The following ZFHX3 variants were observed in gnomAD, a reference collection of about 807,000 sequenced individuals.
The protein encoded by ZFHX3 is zinc finger homeobox protein 3.
ZFHX3 carries 42 observed loss-of-function variants against 279.1 expected under a neutral mutation model. That is an observed-to-expected ratio of 0.15 (90% confidence interval 0.12 to 0.19). The LOEUF is 0.19. Ranked by LOEUF, ZFHX3 falls within the 10% of genes least tolerant of loss-of-function variation. ZFHX3 has a pLI of 1.00. For synonymous variants in ZFHX3, 2,293 were observed against 1,957.8 expected (o/e 1.17, Z -4.52); for missense variants, 4,981 against 4,754.0 (o/e 1.05, Z -1.40).
chr16:72,946,279 G>A (rs1337076773), intron 3 of ZFHX3, among the ~76,000 whole-genome samples: 1 of 152,152 alleles, frequency 6.6e-6, no homozygotes, highest in Non-Finnish European at 1.5e-5. Flanking sequence ...CCTCTCCTGT[G>A]TGCCCTGTTG....
At chr16:73,854,842 C>G (rs1961682925) in intron 1 of ZFHX3, among the ~76,000 whole-genome samples, 1 of 150,134 alleles carries the variant, frequency 6.7e-6, no homozygotes, top group Non-Finnish European at 1.5e-5. Flanking sequence ...GCACTTGTAT[C>G]TGGGTTTTTC....
At chr16:72,942,872 T>G (rs1960477055) in intron 3 of ZFHX3, among the ~76,000 whole-genome samples, 1 of 152,168 alleles carries the variant, frequency 6.6e-6, no homozygotes, top group South Asian at 2.1e-4. Context: ...CAAACTAATC[T>G]AAGAAATTTT....
chr16:72,948,206 T>C (rs1960799352), intron 3 of ZFHX3, among the ~76,000 whole-genome samples: 1 of 152,110 alleles, frequency 6.6e-6, no homozygotes, highest in Admixed American at 6.5e-5. Context: ...CTAATGACCT[T>C]TGGCTCCTGA....
intron 1 of ZFHX3, among the ~76,000 whole-genome samples, chr16:73,035,122 G>C (rs1323760841): frequency 6.6e-6 from 1 of 151,958 alleles, no homozygotes; most frequent in East Asian, 1.9e-4. Flanking sequence ...TGTGCTGAAG[G>C]TATAAAAATA....
intron 1 of ZFHX3, among the ~76,000 whole-genome samples, chr16:73,054,830 G>A (rs1313602115): frequency 6.6e-6 from 1 of 152,058 alleles, no homozygotes; most frequent in Non-Finnish European, 1.5e-5. Flanking sequence ...CCACTGCAAT[G>A]ATTTAGTGAT....
intron 3 of ZFHX3, among the ~76,000 whole-genome samples, chr16:72,926,582 G>C (rs1051784177): frequency 6.6e-6 from 1 of 152,196 alleles, no homozygotes; most frequent in Admixed American, 6.5e-5. Context: ...GATACTAATT[G>C]TTTTAATATG....
intron 5 of ZFHX3, among the ~76,000 whole-genome samples, chr16:73,248,645 A>ATATGTGTGTGTGTG (rs2013382687): frequency 1.3e-5 from 2 of 149,016 alleles, no homozygotes; most frequent in African/African-American, 5.0e-5. Flanking sequence ...TGGAGAATGT[A>ATATGTGTGTGTGTG]TGTGTGTGTG....
At chr16:73,369,052 G>A (rs1031201817) in intron 3 of ZFHX3, among the ~76,000 whole-genome samples, 11 of 152,146 alleles carry the variant, frequency 7.2e-5, no homozygotes, top group African/African-American at 2.7e-4. Flanking sequence ...AATTATACTA[G>A]GTTTTTGTGA....
At chr16:73,619,069 T>C (rs2052332236) in intron 2 of ZFHX3, among the ~76,000 whole-genome samples, 1 of 152,170 alleles carries the variant, frequency 6.6e-6, no homozygotes, top group South Asian at 2.1e-4. Flanking sequence ...GTGTTTAAGA[T>C]GGGAAGATAA....
At chr16:72,914,021 TAA>T (rs1306443886) in intron 3 of ZFHX3, among the ~76,000 whole-genome samples, 2 of 152,212 alleles carry the variant, frequency 1.3e-5, no homozygotes, top group Admixed American at 1.3e-4. Flanking sequence ...ACCAAGAGGT[TAA>T]ATCACTTGCT....
chr16:73,796,906 T>C (rs1031305701), intron 1 of ZFHX3, among the ~76,000 whole-genome samples: 3 of 152,202 alleles, frequency 2.0e-5, no homozygotes, highest in Middle Eastern at 3.4e-3. Flanking sequence ...AGAAATGTTA[T>C]GTGGAAAAGT....
rs147975626 is a variant in ZFHX3, at chr16:73,859,020, G to A, written c.-1608+32631C>T. Among the ~76,000 whole-genome samples the A allele has an allele frequency of 4.6e-5, 7 of 152,276 alleles. No homozygotes were observed. The East Asian group carries it at 1.4e-3, about 29-fold the overall frequency. ...AAACAAAACAAAGCAATACCTAAGG[G>A]GATACAAGGAGATGGTAAATCCCCA... is the stretch of plus-strand genomic sequence containing the variant. On this transcript the variant is annotated intron_variant, in intron 1 of 17. Coordinates refer to the ZFHX3 transcript ENST00000641206.
At chr16:73,705,979 C>A (rs11645352) in intron 1 of ZFHX3, among the ~76,000 whole-genome samples, 125,428 of 151,956 alleles carry the variant, frequency 0.83, 54,050 homozygotes, top group Non-Finnish European at 0.95. Context: ...CACAGCTTCT[C>A]GTGTCCTCTG....
intron 2 of ZFHX3, among the ~76,000 whole-genome samples, chr16:73,602,675 G>A (rs779459329): frequency 6.6e-6 from 1 of 152,060 alleles, no homozygotes; most frequent in African/African-American, 2.4e-5. Flanking sequence ...GGCTAGGCGC[G>A]GTGGCTCAAG....
chr16:73,794,360 C>T (rs1353316996), intron 1 of ZFHX3: 1 of 152,264 alleles, frequency 6.6e-6, no homozygotes, highest in Non-Finnish European at 1.5e-5. Context: ...GGCAGGGACT[C>T]CAAGCTGCTC....
intron 3 of ZFHX3, among the ~76,000 whole-genome samples, chr16:73,360,692 A>G (rs1299407604): frequency 6.6e-6 from 1 of 152,212 alleles, no homozygotes; most frequent in Non-Finnish European, 1.5e-5. Flanking sequence ...TGGCACTGTT[A>G]ACTCTGGAGA....
At chr16:73,623,068 G>T (rs2052380354) in intron 2 of ZFHX3, among the ~76,000 whole-genome samples, 1 of 151,308 alleles carries the variant, frequency 6.6e-6, no homozygotes, top group South Asian at 2.1e-4. Context: ...ACAGAGTCTG[G>T]CTCTTTCGCC....
intron 3 of ZFHX3, among the ~76,000 whole-genome samples, chr16:73,453,812 G>C (rs538072626): frequency 1.3e-5 from 2 of 152,336 alleles, no homozygotes; most frequent in Admixed American, 6.5e-5. Context: ...AAGAGAATTT[G>C]TGCAGGGAAA....
chr16:73,746,141 C>A (rs190993999), intron 1 of ZFHX3, among the ~76,000 whole-genome samples: 1 of 151,958 alleles, frequency 6.6e-6, no homozygotes, highest in African/African-American at 2.4e-5. Context: ...CAGGGAGAGC[C>A]CAAATCAAGC....
Sources: allele counts gnomAD v4.1 joint callset (sites outside exome capture counted in the v4.1 genomes callset), GRCh38; gene constraint gnomAD v4.1.1; transcripts MANE v1.5; gene names NCBI Gene and HGNC (gene_info 2026-07-23, HGNC 2026-07-21).